The following SORCS1 variants were observed in gnomAD, a reference collection of about 807,000 sequenced individuals.
SORCS1 encodes VPS10 domain-containing receptor SorCS1.
A neutral mutation model predicts 146.1 loss-of-function variants in SORCS1; 60 were observed. The observed-to-expected ratio is 0.41, with a 90% CI of 0.33 to 0.51. The LOEUF (loss-of-function observed/expected upper bound fraction) is 0.51. Among genes scored for constraint, SORCS1 ranks in the 20% least tolerant of loss-of-function variants. SORCS1 has a pLI of 0.21. For synonymous variants in SORCS1, 637 were observed against 584.0 expected (o/e 1.09, Z -1.31); for missense variants, 1,352 against 1,487.6 (o/e 0.91, Z 1.50).
At chr10:107,072,925 A>G (rs570965344) in intron 1 of SORCS1, among the ~76,000 whole-genome samples, 2 of 152,226 alleles carry the variant, frequency 1.3e-5, no homozygotes, top group South Asian at 4.2e-4. Flanking sequence ...TAGGGCACTC[A>G]GCGATATTCA....
intron 1 of SORCS1, among the ~76,000 whole-genome samples, chr10:107,140,903 T>C (rs1256072579): frequency 1.3e-5 from 2 of 152,166 alleles, no homozygotes; most frequent in Non-Finnish European, 2.9e-5. Flanking sequence ...GTCCAATATT[T>C]CCCGACTGGT....
intron 2 of SORCS1, among the ~76,000 whole-genome samples, chr10:106,837,350 T>C (rs1948828719): frequency 6.6e-6 from 1 of 152,026 alleles, no homozygotes; most frequent in South Asian, 2.1e-4. Flanking sequence ...AGCATAAATA[T>C]TCCTCCCCTT....
intron 5 of SORCS1, among the ~76,000 whole-genome samples, chr10:106,756,007 T>C (rs1042603918): frequency 3.9e-5 from 6 of 151,982 alleles, no homozygotes; most frequent in African/African-American, 1.5e-4. Flanking sequence ...CCTGTGCCTG[T>C]AGTCTCAACT....
At chr10:106,590,566 T>C (rs1845540001) in intron 24 of SORCS1, among the ~76,000 whole-genome samples, 1 of 152,164 alleles carries the variant, frequency 6.6e-6, no homozygotes, top group South Asian at 2.1e-4. Context: ...CACAAGTAAC[T>C]ATATGGATCA....
chr10:106,699,102 G>T (rs1396945371), intron 9 of SORCS1, 112 bp downstream of exon 9: 2 of 886,812 alleles, frequency 2.3e-6, no homozygotes, highest in Non-Finnish European at 3.3e-6. Flanking sequence ...CAAGAGAAAT[G>T]AGGCCACATA....
chr10:106,641,260 AGGTTTT>A, intron 18 of SORCS1, among the ~76,000 whole-genome samples: 1 of 152,264 alleles, frequency 6.6e-6, no homozygotes, highest in East Asian at 1.9e-4. Context: ...TCTGTCATCT[AGGTTTT>A]GAGGGTGACC....
intron 1 of SORCS1, among the ~76,000 whole-genome samples, chr10:107,018,929 A>G (rs1958011394): frequency 1.3e-5 from 2 of 152,244 alleles, no homozygotes; most frequent in South Asian, 4.1e-4. Context: ...GGTGGAAGCA[A>G]CACTAAACCA....
intron 1 of SORCS1, among the ~76,000 whole-genome samples, chr10:107,092,883 GAAAAAAAAAAA>G (rs34184443): frequency 4.9e-5 from 3 of 61,516 alleles, no homozygotes; most frequent in Non-Finnish European, 9.0e-5. Context: ...AGAAGACCAT[GAAAAAAAAAAA>G]AAAAAAAAAA....
intron 17 of SORCS1, among the ~76,000 whole-genome samples, chr10:106,660,211 A>T (rs1850620787): frequency 6.6e-6 from 1 of 152,218 alleles, no homozygotes; most frequent in African/African-American, 2.4e-5. Context: ...AGGAAGTGGC[A>T]GGTTAGCAGA....
Position 106,709,310 on chromosome 10 carries a change from G to C in SORCS1, c.1056C>G (p.Asn352Lys), listed in dbSNP as rs1854776584. ...GCTGATTCCTGTTGGCCTCTGTACA[G>C]TTCTGCATTCGGCAAGTTAGATAAT... ...HSHYLTCRMQ[N>K]CTEANRNQPF... Residue 352 changes from asparagine to lysine, a missense_variant, in exon 7 of 26, where the codon AAC (asparagine) becomes AAG (lysine). Asn to Lys is a moderately conservative substitution (Grantham distance 94). Coordinates refer to ENST00000263054, the MANE Select transcript of SORCS1 (RefSeq NM_052918.5). 1.9e-6 allele frequency: 3 copies of C among 1,613,742 alleles called. No individual in the cohort carries two copies. The highest frequency in any genetic ancestry group is 2.5e-6 in the Non-Finnish European group (3 of 1,179,836).
rs184152671 is a variant in SORCS1, at chr10:107,015,957, A to G, written c.559-59377T>C. 1.5e-3 allele frequency among the ~76,000 whole-genome samples: 217 copies of G among 147,822 alleles called. 1 individual carries two copies. Among genetic ancestry groups the G allele is most frequent in the African/African-American group, 5.1e-3 (210 of 41,214 alleles). On this transcript the variant is annotated intron_variant, in intron 1 of 25. Transcript: ENST00000263054. ...CATTTCACCTGTGTAATCAAAAACC[A>G]CTTATACCACAAACCTATTGAAATA... is the stretch of plus-strand genomic sequence containing the variant.
intron 3 of SORCS1, among the ~76,000 whole-genome samples, chr10:106,790,191 G>A (rs1221518208): frequency 6.6e-6 from 1 of 152,108 alleles, no homozygotes; most frequent in African/African-American, 2.4e-5. Context: ...ATTTGTTACT[G>A]TAACATCAGA....
At chr10:106,908,404 C>T (rs1000446740) in intron 2 of SORCS1, among the ~76,000 whole-genome samples, 1 of 152,192 alleles carries the variant, frequency 6.6e-6, no homozygotes, top group South Asian at 2.1e-4. Context: ...ATGTAACAGC[C>T]TATCAACACT....
intron 12 of SORCS1, 33 bp from the exon 13 acceptor site, chr10:106,677,437 T>A (rs542334574): frequency 1.3e-6 from 2 of 1,563,290 alleles, no homozygotes; most frequent in African/African-American, 2.7e-5. Context: ...TGGACACACA[T>A]CCACATCCAC....
intron 18 of SORCS1, among the ~76,000 whole-genome samples, chr10:106,642,416 C>G (rs1317352098): frequency 6.6e-6 from 1 of 152,168 alleles, no homozygotes; most frequent in African/African-American, 2.4e-5. Context: ...GAAGCATGAT[C>G]TTTTGACATC....
intron 16 of SORCS1, among the ~76,000 whole-genome samples, chr10:106,670,638 A>G (rs557162609): frequency 2.0e-4 from 31 of 152,252 alleles, no homozygotes; most frequent in African/African-American, 7.0e-4. Context: ...TGCTCCCTAA[A>G]AAGTCCACTT....
intron 19 of SORCS1, among the ~76,000 whole-genome samples, chr10:106,628,404 C>T (rs1348659509): frequency 1.3e-5 from 2 of 152,172 alleles, no homozygotes; most frequent in African/African-American, 4.8e-5. Context: ...GATATTTGAA[C>T]AAGACCATTC....
At chr10:106,817,418 C>T (rs1367382362) in intron 3 of SORCS1, among the ~76,000 whole-genome samples, 1 of 152,018 alleles carries the variant, frequency 6.6e-6, no homozygotes, top group Non-Finnish European at 1.5e-5. Context: ...AACACCAGGC[C>T]CCTCCTGCTT....
At chr10:107,027,345 C>T (rs138205002) in intron 1 of SORCS1, among the ~76,000 whole-genome samples, 10 of 152,104 alleles carry the variant, frequency 6.6e-5, no homozygotes, top group African/African-American at 2.2e-4. Context: ...CCATTCCTCA[C>T]TAATGTCCCC....
Sources: gnomAD v4.1 joint callset for allele counts (sites outside exome capture counted in the v4.1 genomes callset) on GRCh38, gnomAD v4.1.1 for gene constraint, MANE v1.5 for transcripts, NCBI Gene and HGNC (gene_info 2026-07-23, HGNC 2026-07-21) for gene names.